Variants in CHIA observed in about 807,000 individuals in gnomAD.
CHIA encodes chitinase acidic.
CHIA carries 47 observed loss-of-function variants against 53.5 expected under a neutral mutation model. That is an observed-to-expected ratio of 0.88 (90% CI 0.70 to 1.12). CHIA has a LOEUF of 1.12. CHIA is among the 50% of genes most tolerant of loss of function. The pLI, the probability that CHIA is intolerant of heterozygous loss-of-function variation, is 0.00. For synonymous variants in CHIA, 268 were observed against 222.2 expected, an observed-to-expected ratio of 1.21 and a Z score of -1.83; for missense variants, 652 against 592.2, an observed-to-expected ratio of 1.10 and a Z score of -1.05.
At chr1:111,298,636 G>A (rs1305361589) in intron 1 of CHIA, among the ~76,000 whole-genome samples, 2 of 152,130 alleles carry the variant, frequency 1.3e-5, no homozygotes, top group African/African-American at 4.8e-5. Context: ...GAGAAAGCAG[G>A]AAAGATCTAA....
At chr1:111,295,143 T>A (rs2101599859) in intron 1 of CHIA, among the ~76,000 whole-genome samples, 1 of 152,332 alleles carries the variant, frequency 6.6e-6, no homozygotes, top group East Asian at 1.9e-4. Context: ...ACCTCTCAAG[T>A]CATCTGGTCT....
At chr1:111,299,247 C>A (rs1647494645) in intron 1 of CHIA, among the ~76,000 whole-genome samples, 1 of 152,210 alleles carries the variant, frequency 6.6e-6, no homozygotes, top group Non-Finnish European at 1.5e-5. Flanking sequence ...ATGGGGCCAA[C>A]ATCATCCTGA....
intron 6 of CHIA, chr1:111,316,430 C>A (rs1432133717): frequency 6.6e-6 from 1 of 152,430 alleles, no homozygotes; most frequent in Non-Finnish European, 1.5e-5. Context: ...AAGGCTCTAA[C>A]ACTGAGGGAA....
At chr1:111,312,985 G>C (rs1199269622) in intron 4 of CHIA, among the ~76,000 whole-genome samples, 1 of 151,954 alleles carries the variant, frequency 6.6e-6, no homozygotes, top group East Asian at 1.9e-4. Context: ...CAGGATTTCT[G>C]CCTCTTTTTT....
intron 1 of CHIA, among the ~76,000 whole-genome samples, chr1:111,306,088 A>T (rs1648161448): frequency 6.6e-6 from 1 of 152,238 alleles, no homozygotes; most frequent in Non-Finnish European, 1.5e-5. Flanking sequence ...CAAAGATGTA[A>T]ATAACTTGAC....
intron 1 of CHIA, among the ~76,000 whole-genome samples, chr1:111,307,622 A>G (rs1648287513): frequency 6.6e-6 from 1 of 151,940 alleles, no homozygotes. Context: ...GGTGATGGAG[A>G]AAAGGTTTTC....
intron 1 of CHIA, among the ~76,000 whole-genome samples, chr1:111,305,216 A>G (rs977092879): frequency 6.6e-6 from 1 of 152,164 alleles, no homozygotes; most frequent in Non-Finnish European, 1.5e-5. Flanking sequence ...GTTGTTTTTT[A>G]ATGTCCTAGT....
At chr1:111,297,005 C>G (rs1661379490) in intron 1 of CHIA, among the ~76,000 whole-genome samples, 1 of 151,986 alleles carries the variant, frequency 6.6e-6, no homozygotes, top group African/African-American at 2.4e-5. Context: ...TGAAATAAAC[C>G]TAGAAGAGAA....
chr1:111,300,311 A>G (rs1043776999), intron 1 of CHIA, among the ~76,000 whole-genome samples: 2 of 152,262 alleles, frequency 1.3e-5, no homozygotes, highest in Non-Finnish European at 2.9e-5. Context: ...TGGAGGCATC[A>G]TGCTACTTGA....
chr1:111,313,758 G>A (rs1209663757), intron 4 of CHIA, among the ~76,000 whole-genome samples: 2 of 151,998 alleles, frequency 1.3e-5, no homozygotes, highest in East Asian at 3.9e-4. Flanking sequence ...TCTTTCAGTA[G>A]TTTTACAATT....
At chr1:111,301,440 C>T (rs1460193227) in intron 1 of CHIA, among the ~76,000 whole-genome samples, 6 of 151,988 alleles carry the variant, frequency 3.9e-5, no homozygotes, top group Non-Finnish European at 8.8e-5. Context: ...TGGCTCACAC[C>T]TGTAATCACA....
intron 1 of CHIA, among the ~76,000 whole-genome samples, chr1:111,294,796 G>A (rs1185590668): frequency 1.3e-5 from 2 of 152,122 alleles, no homozygotes; most frequent in South Asian, 2.1e-4. Flanking sequence ...AGATGATTAT[G>A]CCATTTTTTT....
chr1:111,310,152 T>G (rs908903410), intron 1 of CHIA, among the ~76,000 whole-genome samples: 2 of 152,230 alleles, frequency 1.3e-5, no homozygotes, highest in African/African-American at 4.8e-5. Flanking sequence ...CCACAGTATC[T>G]AAACAGTTGC....
intron 1 of CHIA, among the ~76,000 whole-genome samples, chr1:111,300,046 G>T (rs140244980): frequency 0.02 from 2,985 of 152,162 alleles, 90 homozygotes; most frequent in African/African-American, 0.064. Flanking sequence ...ACCTCTTCAA[G>T]GAGAACTACA....
At chr1:111,318,342 A>T in intron 8 of CHIA, 151 bp from the exon 9 acceptor site, 1 of 824,046 alleles carries the variant, frequency 1.2e-6, no homozygotes, top group Non-Finnish European at 1.9e-6. Context: ...GTATTTCATT[A>T]ACTACAACTT....
Position 111,318,674 on chromosome 1 carries a change from A to G in CHIA, c.911A>G (p.Tyr304Cys). Residue 304 changes from tyrosine to cysteine, a missense_variant, in exon 9 of 12, where the codon TAC (tyrosine) becomes TGC (cysteine). Transcript: ENST00000369740. ...YAKESGIWAY[Y>C]EICTFLKNGA... ...AAGGAGTCTGGGATCTGGGCTTACT[A>G]CGAGGTATGTAGATTGGACTGAAAA... The G allele has an allele frequency of 6.2e-7, 1 of 1,613,242 alleles. No homozygotes were observed. Among genetic ancestry groups the G allele is most frequent in the Non-Finnish European group, 8.5e-7 (1 of 1,179,554 alleles).
intron 11 of CHIA, 81 bp from the exon 12 acceptor site, chr1:111,320,132 C>G: frequency 7.5e-7 from 1 of 1,334,834 alleles, no homozygotes; most frequent in African/African-American, 1.5e-5. Context: ...CACTTCCACT[C>G]CCACAGTTCT....
At chr1:111,302,117 TTC>T (rs1190224436) in intron 1 of CHIA, among the ~76,000 whole-genome samples, 1 of 152,218 alleles carries the variant, frequency 6.6e-6, no homozygotes, top group African/African-American at 2.4e-5. Context: ...CCATTTTTAT[TTC>T]TGATTTTAGT....
chr1:111,298,862 G>A (rs1046626911), intron 1 of CHIA, among the ~76,000 whole-genome samples: 1 of 151,982 alleles, frequency 6.6e-6, no homozygotes, highest in Non-Finnish European at 1.5e-5. Context: ...AAGAAGAAAA[G>A]AAAGAAGAAT....
Sources: allele counts gnomAD v4.1 joint callset (sites outside exome capture counted in the v4.1 genomes callset), GRCh38; gene constraint gnomAD v4.1.1; transcripts MANE v1.5; gene names NCBI Gene and HGNC (gene_info 2026-07-23, HGNC 2026-07-21).